Variants in SLC6A11 observed in about 807,000 individuals in gnomAD.
The protein encoded by SLC6A11 is sodium- and chloride-dependent GABA transporter 3.
In SLC6A11, 25 loss-of-function variants were observed where a neutral mutation model predicts 74.8. The observed-to-expected ratio is 0.33, with a 90% CI of 0.24 to 0.47. SLC6A11 has a LOEUF of 0.47. Among genes scored for constraint, SLC6A11 ranks in the 20% least tolerant of loss-of-function variants. The pLI is 1.00. For synonymous variants in SLC6A11, 330 were observed against 330.2 expected (o/e 1.00, Z 0.01); for missense variants, 574 against 837.0 (o/e 0.69, Z 3.88).
chr3:10,901,038 A>C (rs1362998310), intron 6 of SLC6A11, among the ~76,000 whole-genome samples: 1 of 152,222 alleles, frequency 6.6e-6, no homozygotes, highest in Admixed American at 6.5e-5. Context: ...ACAGTCCTGC[A>C]CAATGAATTA....
chr3:10,900,949 T>A (rs1398670203), intron 6 of SLC6A11, among the ~76,000 whole-genome samples: 1 of 152,086 alleles, frequency 6.6e-6, no homozygotes, highest in East Asian at 1.9e-4. Flanking sequence ...GGGGCATAGT[T>A]TTGGCTGCTA....
chr3:10,830,878 G>A (rs574645477), intron 4 of SLC6A11, among the ~76,000 whole-genome samples: 4 of 152,222 alleles, frequency 2.6e-5, no homozygotes, highest in African/African-American at 7.2e-5. Flanking sequence ...CTGGGGATAA[G>A]GCAGCCTCCC....
chr3:10,844,388 G>A, intron 5 of SLC6A11, 42 bp downstream of exon 5: 1 of 1,613,352 alleles, frequency 6.2e-7, no homozygotes, highest in Non-Finnish European at 8.5e-7. Context: ...GGCAGGGGAA[G>A]GCACGAGCTC....
chr3:10,935,378 A>C (rs1337257434), intron 13 of SLC6A11, 179 bp downstream of exon 13: 3 of 600,072 alleles, frequency 5.0e-6, no homozygotes, highest in African/African-American at 1.9e-5. Context: ...GTCTCTGTGA[A>C]GTCTTTTGGC....
chr3:10,849,793 CCAAAAAAAAAAAAAAAA>C (rs1694549095), intron 5 of SLC6A11, among the ~76,000 whole-genome samples: 1 of 27,568 alleles, frequency 3.6e-5, no homozygotes, highest in African/African-American at 1.9e-4. Context: ...CTTGTTGAAG[CCAAAAAAAAAAAAAAAA>C]AAAAAAAAAA....
chr3:10,895,255 A>G (rs1455173239), intron 6 of SLC6A11, among the ~76,000 whole-genome samples: 1 of 152,246 alleles, frequency 6.6e-6, no homozygotes, highest in East Asian at 1.9e-4. Flanking sequence ...TTTATTGATT[A>G]AAAAAGAGAG....
chr3:10,892,046 A>C (rs1199906819), intron 6 of SLC6A11, among the ~76,000 whole-genome samples: 1 of 152,242 alleles, frequency 6.6e-6, no homozygotes, highest in East Asian at 1.9e-4. Context: ...TGTGCTTTGC[A>C]GATGCAGTGT....
chr3:10,931,375 T>C (rs988451880), intron 10 of SLC6A11, among the ~76,000 whole-genome samples: 1 of 151,838 alleles, frequency 6.6e-6, no homozygotes, highest in African/African-American at 2.4e-5. Flanking sequence ...ATGATGTTCA[T>C]GGGAGGAGAG....
intron 8 of SLC6A11, among the ~76,000 whole-genome samples, chr3:10,925,599 C>T (rs574799480): frequency 1.5e-4 from 23 of 152,352 alleles, no homozygotes; most frequent in Admixed American, 1.3e-3. Context: ...GACCTACGTA[C>T]ACCACAACCA....
At chr3:10,825,048 G>T (rs7650862) in intron 4 of SLC6A11, 59,877 of 151,882 alleles carry the variant, frequency 0.39, 13,281 homozygotes, top group African/African-American at 0.59. Context: ...GCTGGGTAGT[G>T]GTTCATGCCT....
chr3:10,915,398 A>C lies in SLC6A11; in HGVS notation c.996-2931A>C, dbSNP rs531961098. Among the ~76,000 whole-genome samples, 1 of 152,224 alleles carries C rather than the reference A, an allele frequency of 6.6e-6. No individual in the cohort carries two copies. Among genetic ancestry groups the C allele is most frequent in the African/African-American group, 2.4e-5 (1 of 41,522 alleles). ...CTGGGTGGCAATGCAAAAATTAGAA[A>C]ATTCATTTTATTTCCTTTTCCAAAT... On this transcript the variant is annotated intron_variant, in intron 7 of 13. Transcript: ENST00000254488. The surrounding 1 kb of genome is among the most constrained non-coding windows in gnomAD (Gnocchi z 4.3).
intron 6 of SLC6A11, among the ~76,000 whole-genome samples, chr3:10,886,191 T>C (rs535330159): frequency 3.8e-4 from 58 of 152,346 alleles, no homozygotes; most frequent in African/African-American, 1.3e-3. Context: ...GCTTTAATAG[T>C]TGCTATGGCA....
At chr3:10,932,446 C>T (rs1297738937) in intron 10 of SLC6A11, among the ~76,000 whole-genome samples, 2 of 152,218 alleles carry the variant, frequency 1.3e-5, no homozygotes, top group Admixed American at 6.5e-5. Flanking sequence ...ACCAGCCCCA[C>T]TCCCCTCTTT....
intron 8 of SLC6A11, 124 bp from the exon 9 acceptor site, chr3:10,925,880 T>C (rs1030149754): frequency 2.4e-5 from 16 of 656,934 alleles, no homozygotes; most frequent in African/African-American, 2.2e-4. Context: ...ACAGAAGTGA[T>C]TTGAGTGAGA....
chr3:10,822,880 A>G (rs531967064), intron 3 of SLC6A11, among the ~76,000 whole-genome samples: 22 of 152,330 alleles, frequency 1.4e-4, no homozygotes, highest in African/African-American at 5.3e-4. Context: ...ATAAAGTAAA[A>G]CTGAGTCTCA....
chr3:10,910,980 C>A (rs1013389078), intron 6 of SLC6A11, among the ~76,000 whole-genome samples: 1 of 152,234 alleles, frequency 6.6e-6, no homozygotes, highest in African/African-American at 2.4e-5. Flanking sequence ...CGCCACCACA[C>A]CTGGCTAATT....
At chr3:10,903,469 T>C (rs1457129381) in intron 6 of SLC6A11, among the ~76,000 whole-genome samples, 3 of 152,208 alleles carry the variant, frequency 2.0e-5, no homozygotes, top group Non-Finnish European at 2.9e-5. Context: ...GTATGAGAGC[T>C]TATCTGCCTT....
intron 6 of SLC6A11, among the ~76,000 whole-genome samples, chr3:10,895,737 C>G (rs1425054174): frequency 6.6e-6 from 1 of 151,808 alleles, no homozygotes; most frequent in African/African-American, 2.4e-5. Flanking sequence ...CAAGGGTCGT[C>G]TTTGCATGTG....
chr3:10,868,200 C>A (rs1464301045), intron 5 of SLC6A11, among the ~76,000 whole-genome samples: 1 of 152,164 alleles, frequency 6.6e-6, no homozygotes, highest in Non-Finnish European at 1.5e-5. Flanking sequence ...CACATTGGAT[C>A]TTCTGATTTT....
Sources: allele counts gnomAD v4.1 joint callset (sites outside exome capture counted in the v4.1 genomes callset), GRCh38; gene constraint gnomAD v4.1.1; non-coding constraint Gnocchi (gnomAD v3.1); transcripts MANE v1.5; gene names NCBI Gene and HGNC (gene_info 2026-07-23, HGNC 2026-07-21).